The following RIT2 variants were observed in gnomAD, a reference collection of about 807,000 sequenced individuals.
The protein encoded by RIT2 is Ras like without CAAX 2.
Under a neutral mutation model 23.7 loss-of-function variants are expected in RIT2, and 24 were observed. The observed-to-expected ratio is 1.01, with a 90% CI of 0.73 to 1.43. RIT2 has a LOEUF of 1.43. Ranked by LOEUF, RIT2 falls within the 40% of genes most tolerant of loss-of-function variation. The pLI is 0.00. For missense variants in RIT2, 236 were observed against 266.9 expected, an observed-to-expected ratio of 0.88 and a Z score of 0.81; for synonymous variants, 107 against 91.1, an observed-to-expected ratio of 1.17 and a Z score of -0.99.
intron 2 of RIT2, among the ~76,000 whole-genome samples, chr18:43,027,373 TAAG>T (rs1428957095): frequency 6.6e-6 from 1 of 152,072 alleles, no homozygotes; most frequent in East Asian, 1.9e-4. Flanking sequence ...TTTATGATGA[TAAG>T]AAGTGATTCA....
intron 1 of RIT2, among the ~76,000 whole-genome samples, chr18:43,039,589 C>T (rs567680087): frequency 1.4e-4 from 21 of 152,208 alleles, no homozygotes; most frequent in Admixed American, 4.6e-4. Context: ...CTCAGGTGAT[C>T]CACCCTCCTT....
chr18:42,866,945 T>C (rs533994795), intron 4 of RIT2, among the ~76,000 whole-genome samples: 1 of 152,194 alleles, frequency 6.6e-6, no homozygotes, highest in East Asian at 1.9e-4. Flanking sequence ...AAAGGGCACT[T>C]ACTAATTGAA....
chr18:43,036,146 T>TAATAAATAATA (rs1555653608), intron 1 of RIT2, among the ~76,000 whole-genome samples: 1 of 152,194 alleles, frequency 6.6e-6, no homozygotes, highest in Admixed American at 6.5e-5. Flanking sequence ...GAAAGCATTT[T>TAATAAATAATA]AATAAATAAT....
At chr18:43,111,339 C>G (rs1015947037) in intron 1 of RIT2, among the ~76,000 whole-genome samples, 2 of 151,906 alleles carry the variant, frequency 1.3e-5, no homozygotes, top group African/African-American at 4.8e-5. Context: ...TTAATGGGTA[C>G]AAAATTGTGG....
chr18:42,926,788 G>C (rs1055213751), intron 3 of RIT2, among the ~76,000 whole-genome samples: 3 of 151,878 alleles, frequency 2.0e-5, no homozygotes, highest in Admixed American at 1.3e-4. Context: ...TTAAAATTTG[G>C]ATGATTTTTG....
At chr18:42,753,694 T>C (rs370342201) in intron 4 of RIT2, among the ~76,000 whole-genome samples, 7 of 152,336 alleles carry the variant, frequency 4.6e-5, no homozygotes, top group African/African-American at 1.7e-4. Context: ...TTTGCTAACT[T>C]GAAGGAAAAG....
chr18:42,978,686 C>T (rs1910528634), intron 2 of RIT2, among the ~76,000 whole-genome samples: 1 of 152,138 alleles, frequency 6.6e-6, no homozygotes, highest in Non-Finnish European at 1.5e-5. Context: ...GAGGCATCCA[C>T]TACCTTAAAA....
chr18:43,027,880 T>C (rs1911769393), intron 2 of RIT2, among the ~76,000 whole-genome samples: 1 of 152,074 alleles, frequency 6.6e-6, no homozygotes, highest in African/African-American at 2.4e-5. Flanking sequence ...GGTCTGAAAT[T>C]ATGTGACCAT....
intron 2 of RIT2, among the ~76,000 whole-genome samples, chr18:43,017,439 C>G (rs1404887856): frequency 6.6e-6 from 1 of 151,774 alleles, no homozygotes; most frequent in Admixed American, 6.6e-5. Context: ...TTTCATAACA[C>G]AATTGGTTCA....
chr18:42,891,865 G>A (rs1908187079), intron 4 of RIT2, among the ~76,000 whole-genome samples: 1 of 152,104 alleles, frequency 6.6e-6, no homozygotes, highest in African/African-American at 2.4e-5. Context: ...AACAATAAGA[G>A]TGAATCCAAT....
rs1269375546 is a variant in RIT2, at chr18:42,865,254, CTGGGCATGCTATGT to C, written c.426+58304_426+58317del. On this transcript the variant is annotated intron_variant, in intron 4 of 4. Coordinates refer to ENST00000326695, the MANE Select transcript of RIT2 (RefSeq NM_002930.4). ...CATAGCTGGCCATCCCAATGTGTCC[CTGGGCATGCTATGT>C]TGGGCCTCAGTCCACTTACTTTCCT... 2.0e-5 allele frequency among the ~76,000 whole-genome samples: 3 copies of C among 152,182 alleles called. No individual in the cohort carries two copies. In the East Asian group the frequency reaches 5.8e-4, roughly 29 times the overall value.
intron 2 of RIT2, among the ~76,000 whole-genome samples, chr18:42,996,147 C>G (rs566781626): frequency 2.6e-5 from 4 of 152,126 alleles, no homozygotes; most frequent in African/African-American, 9.7e-5. Context: ...AAAACCGTAT[C>G]CAGGCCATCA....
intron 4 of RIT2, among the ~76,000 whole-genome samples, chr18:42,915,151 T>C (rs138682378): frequency 3.6e-4 from 53 of 145,850 alleles, no homozygotes; most frequent in African/African-American, 2.5e-5. Context: ...CATATAATTA[T>C]ACACACACAC....
At chr18:42,914,737 C>A (rs902757857) in intron 4 of RIT2, among the ~76,000 whole-genome samples, 1 of 151,852 alleles carries the variant, frequency 6.6e-6, no homozygotes, top group Admixed American at 6.6e-5. Flanking sequence ...ATAATTGCAT[C>A]AAATTATACA....
At chr18:43,035,993 C>T (rs1448974977) in intron 1 of RIT2, among the ~76,000 whole-genome samples, 1 of 152,134 alleles carries the variant, frequency 6.6e-6, no homozygotes, top group East Asian at 1.9e-4. Context: ...AAACCTTCCT[C>T]TATCAGGTAG....
chr18:42,764,963 CTG>C (rs2143906020), intron 4 of RIT2, among the ~76,000 whole-genome samples: 1 of 152,358 alleles, frequency 6.6e-6, no homozygotes, highest in East Asian at 1.9e-4. Context: ...TGAAAAGTCA[CTG>C]TGGCTTATTG....
intron 3 of RIT2, among the ~76,000 whole-genome samples, chr18:42,960,459 T>G (rs950263783): frequency 1.3e-5 from 2 of 152,074 alleles, no homozygotes; most frequent in African/African-American, 4.8e-5. Flanking sequence ...GGATTACAGG[T>G]GTCCACCACC....
chr18:43,069,004 G>A (rs983065036), intron 1 of RIT2, among the ~76,000 whole-genome samples: 4 of 152,212 alleles, frequency 2.6e-5, no homozygotes, highest in South Asian at 4.2e-4. Context: ...AGACGTTTCC[G>A]GTTAAGGGAA....
chr18:42,871,516 C>T (rs1364141506), intron 4 of RIT2, among the ~76,000 whole-genome samples: 1 of 152,174 alleles, frequency 6.6e-6, no homozygotes, highest in Non-Finnish European at 1.5e-5. Flanking sequence ...CAACTGGACA[C>T]ACAACTAATC....
Sources: allele counts gnomAD v4.1 joint callset (sites outside exome capture counted in the v4.1 genomes callset), GRCh38; gene constraint gnomAD v4.1.1; transcripts MANE v1.5; gene names NCBI Gene and HGNC (gene_info 2026-07-23, HGNC 2026-07-21).